The following ANKRD30A variants were observed in gnomAD, a reference collection of about 807,000 sequenced individuals.
The protein encoded by ANKRD30A is ankyrin repeat domain-containing protein 30A.
In ANKRD30A, 170 loss-of-function variants were observed where a neutral mutation model predicts 166.3. The ratio of observed to expected loss-of-function variants is 1.02; its 90% confidence interval spans 0.90 to 1.16. The LOEUF is 1.16. Among genes scored for constraint, ANKRD30A ranks in the 50% most tolerant of loss-of-function variants. The pLI, the probability that ANKRD30A is intolerant of heterozygous loss-of-function variation, is 0.00. For synonymous variants in ANKRD30A, 564 were observed against 508.9 expected (o/e 1.11, Z -1.46); for missense variants, 1,630 against 1,518.0 (o/e 1.07, Z -1.23).
intron 19 of ANKRD30A, among the ~76,000 whole-genome samples, 181 bp downstream of exon 19, chr10:37,166,876 G>A (rs1247670546): frequency 6.6e-6 from 1 of 152,136 alleles, no homozygotes; most frequent in African/African-American, 2.4e-5. Flanking sequence ...TATATTGTGA[G>A]TGCTGAAGCG....
intron 15 of ANKRD30A, among the ~76,000 whole-genome samples, chr10:37,158,813 A>G (rs1025493156): frequency 9.2e-5 from 14 of 152,166 alleles, no homozygotes. Context: ...TTCTACTTTA[A>G]TATCCTGATA....
At chr10:37,239,411 T>C in the ANKRD30A span, among the ~76,000 whole-genome samples, 1 of 152,134 alleles carries the variant, frequency 6.6e-6, no homozygotes, top group African/African-American at 2.4e-5. Context: ...ACTTATTCTC[T>C]TGCCAGTCCA....
At position 37,197,468 on chromosome 10, in the gene ANKRD30A, A is replaced by G; in HGVS notation, c.2704A>G (p.Thr902Ala). ...NKALELKNEQ[T>A]LRADQMFPSE... ...AGCCTTGGAATTGAAGAATGAACAA[A>G]CATTGAGAGCAGGTACATTTTTCAA... Residue 902 changes from threonine (T) to alanine (A), a missense_variant, in exon 29 of 36, where the codon ACA becomes GCA. Coordinates refer to ENST00000361713, the MANE Select transcript of ANKRD30A (RefSeq NM_052997.3). The G allele has an allele frequency of 6.2e-7, 1 of 1,612,360 alleles. No homozygotes were observed. The highest frequency in any genetic ancestry group is 8.5e-7 in the Non-Finnish European group (1 of 1,179,674).
chr10:37,157,935 C>T lies in ANKRD30A; in HGVS notation c.1799-457C>T, dbSNP rs531498831. Among the ~76,000 whole-genome samples, 65 of 152,016 alleles carry T rather than the reference C, an allele frequency of 4.3e-4. 1 individual carries two copies. The East Asian group carries it at 0.011, about 26-fold the overall frequency. On this transcript the variant is annotated intron_variant, in intron 13 of 35. Transcript: ENST00000361713. ...CTAAACTCCAGGACAAATTGAAGAACATAATAGCTACATGTATATATTGAC... is the reference window on the plus strand; with the variant it reads ...CTAAACTCCAGGACAAATTGAAGAATATAATAGCTACATGTATATATTGAC...
In ANKRD30A at chr10:37,164,994, A is replaced by C. The variant is rs1588845666; in HGVS notation, c.2003-100A>C. ...AAAAGAACATATGGGCCACAGAGGAAAATCCACAGATTCGTGAATGAAAGT... is the reference window on the plus strand; with the variant it reads ...AAAAGAACATATGGGCCACAGAGGACAATCCACAGATTCGTGAATGAAAGT... On this transcript the variant is annotated intron_variant, in intron 17 of 35. Coordinates refer to ENST00000361713, the MANE Select transcript of ANKRD30A (RefSeq NM_052997.3). 3 of 1,291,058 alleles carry C rather than the reference A, an allele frequency of 2.3e-6. No individual in the cohort carries two copies. The East Asian group carries it at 7.1e-5, about 31-fold the overall frequency. The allele number at this position is 1,291,058 out of a possible 1,614,324, so 80.0% of individuals were successfully genotyped here.
At chr10:37,212,390 A>G (rs1564577502) in intron 31 of ANKRD30A, among the ~76,000 whole-genome samples, 1 of 152,124 alleles carries the variant, frequency 6.6e-6, no homozygotes, top group South Asian at 2.1e-4. Flanking sequence ...AAATGGAAGA[A>G]CATTCCACGC....
chr10:37,151,244 A>G (rs189675830), intron 11 of ANKRD30A, among the ~76,000 whole-genome samples: 25 of 152,246 alleles, frequency 1.6e-4, no homozygotes, highest in African/African-American at 5.3e-4. Context: ...AAAACTGGAC[A>G]TTATTTTTGG....
chr10:37,214,540 GTATA>G (rs140166249), intron 31 of ANKRD30A, among the ~76,000 whole-genome samples: 37 of 139,780 alleles, frequency 2.6e-4, no homozygotes, highest in South Asian at 4.5e-4. Flanking sequence ...AGTTTTATAG[GTATA>G]TATATATATA....
chr10:37,235,546 T>C (rs1020039523), downstream of ANKRD30A, among the ~76,000 whole-genome samples: 3 of 152,144 alleles, frequency 2.0e-5, no homozygotes, highest in Non-Finnish European at 2.9e-5. Flanking sequence ...CATGGTTACT[T>C]GAAAATATAT....
At chr10:37,154,257 A>G (rs569817195) in intron 13 of ANKRD30A, among the ~76,000 whole-genome samples, 1 of 152,208 alleles carries the variant, frequency 6.6e-6, no homozygotes, top group Non-Finnish European at 1.5e-5. Context: ...ATAATTTGTC[A>G]TATACACTCC....
downstream of ANKRD30A, among the ~76,000 whole-genome samples, chr10:37,232,825 T>G (rs1843505331): frequency 6.8e-6 from 1 of 146,560 alleles, no homozygotes; most frequent in Non-Finnish European, 1.5e-5. Flanking sequence ...ATTTCAAGGC[T>G]GTAGTGTATC....
intron 27 of ANKRD30A, among the ~76,000 whole-genome samples, chr10:37,194,380 C>A (rs1840879727): frequency 6.6e-6 from 1 of 150,830 alleles, no homozygotes; most frequent in Admixed American, 6.6e-5. Flanking sequence ...TTTTTGAGCT[C>A]GACCAGGCTG....
intron 25 of ANKRD30A, among the ~76,000 whole-genome samples, chr10:37,192,275 C>T (rs1419438229): frequency 1.3e-5 from 2 of 151,906 alleles, no homozygotes; most frequent in Non-Finnish European, 2.9e-5. Context: ...AACTCCTGGC[C>T]TCCAGAGATC....
chr10:37,209,846 G>T (rs552865911), intron 31 of ANKRD30A, among the ~76,000 whole-genome samples: 1 of 151,938 alleles, frequency 6.6e-6, no homozygotes, highest in African/African-American at 2.4e-5. Flanking sequence ...ACACTGACTA[G>T]ATCTTATTTT....
At chr10:37,241,705 A>T in the ANKRD30A span, among the ~76,000 whole-genome samples, 1 of 152,182 alleles carries the variant, frequency 6.6e-6, no homozygotes. Flanking sequence ...TGCAATTGAC[A>T]CCATACCATC....
intron 31 of ANKRD30A, among the ~76,000 whole-genome samples, chr10:37,212,306 T>C (rs557360747): frequency 2.0e-5 from 3 of 152,042 alleles, no homozygotes; most frequent in African/African-American, 7.2e-5. Flanking sequence ...GGAATCCAAC[T>C]TACAAGGGAT....
chr10:37,193,248 T>G lies in ANKRD30A; in HGVS notation c.2604T>G (p.Thr868=). The change falls in exon 27 of 36, where the codon ACT becomes ACG. Residue 868 remains threonine, a synonymous_variant. Coordinates refer to ENST00000361713, the MANE Select transcript of ANKRD30A (RefSeq NM_052997.3). ...CCTTAGAATTGATGGACATGCAAACTTTCAAAGCAGGTAAATTTTGTAATT... is the reference window on the plus strand; with the variant it reads ...CCTTAGAATTGATGGACATGCAAACGTTCAAAGCAGGTAAATTTTGTAATT... ...TKALELMDMQ[T]FKAEPPEKPS... is the part of the protein sequence containing the mutation. 4 of 1,609,264 alleles carry G rather than the reference T, an allele frequency of 2.5e-6. No homozygotes were observed. The highest frequency in any genetic ancestry group is 3.4e-6 in the Non-Finnish European group (4 of 1,178,440).
chr10:37,157,795 A>T (rs1838499645), intron 13 of ANKRD30A, among the ~76,000 whole-genome samples: 1 of 152,194 alleles, frequency 6.6e-6, no homozygotes, highest in Non-Finnish European at 1.5e-5. Flanking sequence ...GAGGTACAAA[A>T]ATGAATATAT....
chr10:37,197,390 G>T lies in ANKRD30A; in HGVS notation c.2644-18G>T. On this transcript the variant is annotated intron_variant, in intron 28 of 35. Transcript: ENST00000361713. ...GTATACATTCTTTATTAATCATTTT[G>T]CTTCCAACCCCATTTAGCCTGCCAT... 1 of 1,612,356 alleles carries T rather than the reference G, an allele frequency of 6.2e-7. No homozygotes were observed. Among genetic ancestry groups the T allele is most frequent in the Non-Finnish European group, 8.5e-7 (1 of 1,179,674 alleles).
Sources: gnomAD v4.1 joint callset for allele counts (sites outside exome capture counted in the v4.1 genomes callset) on GRCh38, gnomAD v4.1.1 for gene constraint, MANE v1.5 for transcripts, NCBI Gene and HGNC (gene_info 2026-07-23, HGNC 2026-07-21) for gene names.